Variants in SMAD6 observed in about 807,000 individuals in gnomAD.
The protein encoded by SMAD6 is MAD homolog 6.
SMAD6 carries 103 observed loss-of-function variants against 39.4 expected under a neutral mutation model. That is an observed-to-expected ratio of 2.62 (90% confidence interval 2.23 to 3.08). SMAD6 has a LOEUF of 3.08. Ranked by LOEUF, SMAD6 falls within the 30% of genes most tolerant of loss-of-function variation. The pLI is 0.00. For missense variants in SMAD6, 1,104 were observed against 742.9 expected (o/e 1.49, Z -5.65); for synonymous variants, 445 against 353.3 (o/e 1.26, Z -2.91).
chr15:66,776,899 C>T (rs574618818), intron 3 of SMAD6, among the ~76,000 whole-genome samples: 16 of 151,650 alleles, frequency 1.1e-4, no homozygotes, highest in Admixed American at 2.6e-4. Flanking sequence ...TGGCAAAACC[C>T]GGTGGTGTGT....
chr15:66,718,063 G>A (rs1366060666), intron 3 of SMAD6, among the ~76,000 whole-genome samples: 1 of 151,118 alleles, frequency 6.6e-6, no homozygotes, highest in African/African-American at 2.5e-5. Flanking sequence ...GGACAGATGG[G>A]TAATTTTTTG....
intron 3 of SMAD6, among the ~76,000 whole-genome samples, chr15:66,736,658 C>T (rs1330764578): frequency 6.6e-6 from 1 of 151,958 alleles, no homozygotes; most frequent in Non-Finnish European, 1.5e-5. Flanking sequence ...CTCCCCTTCC[C>T]CCTCAGTTCC....
At chr15:66,737,825 G>A (rs1409575628) in intron 3 of SMAD6, among the ~76,000 whole-genome samples, 5 of 152,104 alleles carry the variant, frequency 3.3e-5, no homozygotes, top group Non-Finnish European at 7.4e-5. Context: ...CCAGTGACGC[G>A]GAGCTGAGCC....
chr15:66,707,991 G>A (rs1239826716), intron 1 of SMAD6: 1 of 152,272 alleles, frequency 6.6e-6, no homozygotes, highest in Non-Finnish European at 1.5e-5. Context: ...TACCCCCTGG[G>A]GGCTAACCAG....
At chr15:66,734,228 T>G (rs2469148) in intron 3 of SMAD6, among the ~76,000 whole-genome samples, 108,904 of 152,144 alleles carry the variant, frequency 0.72, 38,984 homozygotes, top group East Asian at 0.84. Context: ...GCTTGGAAAT[T>G]CGGGTTTTGG....
intron 3 of SMAD6, among the ~76,000 whole-genome samples, chr15:66,751,066 G>A (rs533890885): frequency 6.6e-6 from 1 of 152,190 alleles, no homozygotes; most frequent in African/African-American, 2.4e-5. Context: ...TCTAAGGAAA[G>A]GAGAGCCCAG....
In SMAD6 at chr15:66,703,181, C is replaced by A; in HGVS notation, c.-78C>A. ...TCATGTGGGGCTGCGACCCGCGCAG[C>A]CGGCGCCTCGCTGAGGGAACGGACC... On this transcript the variant is annotated 5_prime_UTR_variant, in exon 1 of 4. Transcript: ENST00000288840. 8.9e-7 allele frequency: 1 copy of A among 1,126,354 alleles called. No homozygotes were observed. The highest frequency in any genetic ancestry group is 2.4e-5 in the South Asian group (1 of 41,816). The allele number at this position is 1,126,354 out of a possible 1,614,324, so 69.8% of individuals were successfully genotyped here. A position where few individuals can be genotyped will look rare whatever the true frequency, so the allele number is the denominator to read the frequency against.
chr15:66,707,398 A>C (rs1218664609), intron 1 of SMAD6: 2 of 152,192 alleles, frequency 1.3e-5, no homozygotes, highest in Non-Finnish European at 2.9e-5. Context: ...CTAGGAAAAC[A>C]CAGGGTTCCC....
intron 3 of SMAD6, among the ~76,000 whole-genome samples, chr15:66,752,812 A>T (rs903928121): frequency 2.6e-5 from 4 of 151,978 alleles, no homozygotes; most frequent in Non-Finnish European, 4.4e-5. Context: ...ATAATAATAA[A>T]AAAATACAGA....
intron 3 of SMAD6, among the ~76,000 whole-genome samples, chr15:66,728,472 T>G (rs1893563244): frequency 1.3e-5 from 2 of 152,116 alleles, no homozygotes; most frequent in South Asian, 4.1e-4. Context: ...AGTGATGTGA[T>G]CTCGGCTCAC....
In SMAD6 at chr15:66,703,535, A is replaced by AT. The variant is rs1567091445; in HGVS notation, c.278dup (p.Met93IlefsTer28). 1 of 1,221,430 alleles carries AT rather than the reference A, an allele frequency of 8.2e-7. No individual in the cohort carries two copies. Among genetic ancestry groups the AT allele is most frequent in the African/African-American group, 1.6e-5 (1 of 63,374 alleles). The allele number at this position is 1,221,430 out of a possible 1,614,324, so 75.7% of individuals were successfully genotyped here. On this transcript the variant is annotated frameshift_variant, in exon 1 of 4. Coordinates refer to ENST00000288840, the MANE Select transcript of SMAD6 (RefSeq NM_005585.5). LOFTEE classifies it high-confidence loss of function. The stretch of plus-strand genomic sequence containing the variant: ...GCGCGCAGGGGGCCCCCCGAGGCCC[A>AT]TGTCGGAGCCAGGGGCCGGCGCTGG...
At chr15:66,706,668 C>CAT (rs1893118772) in intron 1 of SMAD6, 1 of 152,478 alleles carries the variant, frequency 6.6e-6, no homozygotes, top group Non-Finnish European at 1.5e-5. Flanking sequence ...CGCGCACACA[C>CAT]ATAGCGCAGG....
In SMAD6 at chr15:66,747,752, A is replaced by G. The variant is rs1185706852; in HGVS notation, c.952+31254A>G. On this transcript the variant is annotated intron_variant, in intron 3 of 3. Coordinates refer to ENST00000288840, the MANE Select transcript of SMAD6 (RefSeq NM_005585.5). This position sits in a 1 kb window ranked among gnomAD's most constrained non-coding sequence, Gnocchi z 4.5. ...CTGCCTTAGAATGCAGGGCCAATGC[A>G]AATGACTTGGGGATCACTGGACATC... Among the ~76,000 whole-genome samples the G allele has an allele frequency of 6.6e-6, 1 of 152,236 alleles. No individual in the cohort carries two copies. The highest frequency in any genetic ancestry group is 1.5e-5 in the Non-Finnish European group (1 of 68,038).
At chr15:66,705,869 C>A (rs1893100633) in intron 1 of SMAD6, 1 of 151,896 alleles carries the variant, frequency 6.6e-6, no homozygotes, top group African/African-American at 2.5e-5. Flanking sequence ...CATGCAGGAG[C>A]TCCACAGCTC....
intron 3 of SMAD6, among the ~76,000 whole-genome samples, chr15:66,763,992 G>A (rs909882474): frequency 3.3e-5 from 5 of 152,250 alleles, no homozygotes; most frequent in East Asian, 1.9e-4. Flanking sequence ...GGCCATCCAC[G>A]GGACTTCCCT....
At chr15:66,742,393 C>A (rs972206576) in intron 3 of SMAD6, among the ~76,000 whole-genome samples, 1 of 152,092 alleles carries the variant, frequency 6.6e-6, no homozygotes, top group Non-Finnish European at 1.5e-5. Flanking sequence ...AGTCTTAGGG[C>A]GCGGGAACAA....
chr15:66,765,455 C>G (rs1265332525), intron 3 of SMAD6, among the ~76,000 whole-genome samples: 1 of 152,194 alleles, frequency 6.6e-6, no homozygotes, highest in African/African-American at 2.4e-5. Context: ...TATCTCCTGA[C>G]CTCGTGATCT....
At chr15:66,772,578 T>G (rs1648298588) in intron 3 of SMAD6, among the ~76,000 whole-genome samples, 1 of 152,236 alleles carries the variant, frequency 6.6e-6, no homozygotes, top group African/African-American at 2.4e-5. Flanking sequence ...ATAGTAATAA[T>G]ATTAGTAATC....
intron 3 of SMAD6, among the ~76,000 whole-genome samples, chr15:66,780,506 T>G (rs1894539138): frequency 6.6e-6 from 1 of 152,186 alleles, no homozygotes; most frequent in Admixed American, 6.5e-5. Flanking sequence ...TGCCCTCCTC[T>G]GTAGAACGAG....
Sources: gnomAD v4.1 joint callset for allele counts (sites outside exome capture counted in the v4.1 genomes callset) on GRCh38, gnomAD v4.1.1 for gene constraint, Gnocchi (gnomAD v3.1) non-coding constraint, MANE v1.5 for transcripts, NCBI Gene and HGNC (gene_info 2026-07-23, HGNC 2026-07-21) for gene names.